The following LRRK2 variants were observed in gnomAD, a reference collection of about 807,000 sequenced individuals.
LRRK2 encodes the protein leucine rich repeat kinase 2.
In LRRK2, 203 loss-of-function variants were observed where a neutral mutation model predicts 302.6. The ratio of observed to expected loss-of-function variants is 0.67; its 90% CI spans 0.60 to 0.75. The LOEUF (loss-of-function observed/expected upper bound fraction) is 0.75, where lower values mean the gene tolerates loss of function less well. LRRK2 is among the 30% of genes least tolerant of loss of function. The pLI, the probability that LRRK2 is intolerant of heterozygous loss-of-function variation, is 0.00. For synonymous variants in LRRK2, 1,066 were observed against 1,031.9 expected, an observed-to-expected ratio of 1.03 and a Z score of -0.63; for missense variants, 2,830 against 2,951.0, an observed-to-expected ratio of 0.96 and a Z score of 0.95.
rs281865054 is a variant in LRRK2 at position 40,323,270 on chromosome 12, G to A, written c.5620G>A (p.Glu1874Lys). The A allele has an allele frequency of 6.2e-7, 1 of 1,612,910 alleles. No individual in the cohort carries two copies. Among genetic ancestry groups the A allele is most frequent in the South Asian group, 1.1e-5 (1 of 90,886 alleles). ...TAGAAATATTATGTTGAATAATGAT[G>A]AGTTGGAATTTGAACAAGCTCCAGA... The part of the protein sequence containing the change: ...LPRNIMLNND[E>K]LEFEQAPEFL... Residue 1874 changes from glutamate to lysine, a missense_variant, in exon 38 of 51, where the codon GAG becomes AAG. Glu to Lys is a moderately conservative substitution (Grantham distance 56). Transcript: ENST00000298910.
At position 40,249,917 on chromosome 12, in the gene LRRK2, C is replaced by T. The variant is rs1274907921; in HGVS notation, c.930C>T (p.Ile310=). Residue 310 remains isoleucine, a synonymous_variant, in exon 8 of 51, where the codon ATC becomes ATT. Coordinates refer to ENST00000298910, the MANE Select transcript of LRRK2 (RefSeq NM_198578.4). The stretch of plus-strand genomic sequence containing the variant: ...ACCCAGAGAATGCAGCATTGCAGAT[C>T]TCAGCGCTCAGCTGTTTGGCCCTCC... The part of the protein sequence containing the change: ...QQYPENAALQ[I]SALSCLALLT... 1 of 1,613,816 alleles carries T rather than the reference C, an allele frequency of 6.2e-7. No individual in the cohort carries two copies. Among genetic ancestry groups the T allele is most frequent in the Admixed American group, 1.7e-5 (1 of 60,010 alleles).
intron 41 of LRRK2, among the ~76,000 whole-genome samples, chr12:40,344,767 G>A (rs764260000): frequency 7.2e-5 from 11 of 151,982 alleles, no homozygotes; most frequent in Non-Finnish European, 1.5e-4. Context: ...GGTTATATAG[G>A]AAAATGCCCT....
chr12:40,253,208 C>A (rs1942356681), intron 11 of LRRK2, among the ~76,000 whole-genome samples, 192 bp downstream of exon 11: 1 of 151,970 alleles, frequency 6.6e-6, no homozygotes, highest in South Asian at 2.1e-4. Context: ...ATAAAATAAA[C>A]ATTTGTTGTA....
intron 46 of LRRK2, among the ~76,000 whole-genome samples, chr12:40,357,986 T>C (rs1946593372): frequency 6.6e-6 from 1 of 152,158 alleles, no homozygotes; most frequent in Admixed American, 6.5e-5. Context: ...CAGACTGATC[T>C]CAAACTCCTG....
At position 40,348,393 on chromosome 12, in the gene LRRK2, T is replaced by C. The variant is rs761975756; in HGVS notation, c.6281-16T>C. On this transcript the variant is annotated splice_polypyrimidine_tract_variant and intron_variant, in intron 42 of 50. Coordinates refer to ENST00000298910, the MANE Select transcript of LRRK2 (RefSeq NM_198578.4). Reference sequence around the variant, plus strand: ...ACTTATTTAGTATGCTAGCATGATGTTTTTTAATGTTTTAGATCCAGTTAA... The same window carrying C: ...ACTTATTTAGTATGCTAGCATGATGCTTTTTAATGTTTTAGATCCAGTTAA... 4 of 1,541,212 alleles carry C rather than the reference T, an allele frequency of 2.6e-6. No individual in the cohort carries two copies. The highest frequency in any genetic ancestry group is 2.2e-5 in the South Asian group (2 of 89,258).
At chr12:40,350,689 C>T (rs7314863) in intron 43 of LRRK2, among the ~76,000 whole-genome samples, 116,725 of 151,942 alleles carry the variant, frequency 0.77, 45,690 homozygotes, top group Non-Finnish European at 0.86. Flanking sequence ...CATAATTTTT[C>T]TTCTACTTGG....
chr12:40,278,218 C>G lies in LRRK2; in HGVS notation c.2198C>G (p.Ala733Gly), dbSNP rs1412344397. The change falls in exon 18 of 51, where the codon GCA becomes GGA. Residue 733 changes from alanine (A) to glycine (G), a missense_variant. Transcript: ENST00000298910. ...IMVECLLLLG[A>G]DANQAKEGSS... ...GTTGAATGCTTGCTTCTATTGGGAG[C>G]AGATGCCAATCAAGCAAAGGAGGGA... is the stretch of plus-strand genomic sequence containing the variant. The G allele has an allele frequency of 4.3e-6, 7 of 1,614,130 alleles. No individual in the cohort carries two copies. Among genetic ancestry groups the G allele is most frequent in the Non-Finnish European group, 5.1e-6 (6 of 1,179,990 alleles).
At chr12:40,239,951 C>T (rs1388223981) in intron 5 of LRRK2, among the ~76,000 whole-genome samples, 3 of 152,132 alleles carry the variant, frequency 2.0e-5, no homozygotes, top group Non-Finnish European at 4.4e-5. Flanking sequence ...GATCAAATGA[C>T]TTTAATTGTG....
At chr12:40,322,233 C>CG in intron 36 of LRRK2, 52 bp downstream of exon 36, 1 of 1,552,954 alleles carries the variant, frequency 6.4e-7, no homozygotes, top group Non-Finnish European at 8.8e-7. Context: ...GAAATTTAAA[C>CG]TTAAAAAAAA....
In LRRK2 at chr12:40,330,566, G is replaced by A. The variant is rs546038712; in HGVS notation, c.5757+2106G>A. ...TATTTTGTGAAAAATTGTCTTCTGT[G>A]TATTCTCTTCTATTATTTATTATTT... On this transcript the variant is annotated intron_variant, in intron 39 of 50. Coordinates refer to ENST00000298910, the MANE Select transcript of LRRK2 (RefSeq NM_198578.4). Among the ~76,000 whole-genome samples, 8 of 152,022 alleles carry A rather than the reference G, an allele frequency of 5.3e-5. No individual in the cohort carries two copies. The East Asian group carries it at 1.5e-3, about 29-fold the overall frequency.
At chr12:40,285,809 G>A (rs2136666857) in intron 19 of LRRK2, among the ~76,000 whole-genome samples, 1 of 151,884 alleles carries the variant, frequency 6.6e-6, no homozygotes, top group East Asian at 1.9e-4. Context: ...TTACTCCGTG[G>A]CAAAAAAAAG....
At position 40,314,025 on chromosome 12, in the gene LRRK2, TG is replaced by T. The variant is rs1945122680; in HGVS notation, c.4591del (p.Glu1531LysfsTer17). The T allele has an allele frequency of 6.2e-7, 1 of 1,612,424 alleles. No individual in the cohort carries two copies. Among genetic ancestry groups the T allele is most frequent in the Non-Finnish European group, 8.5e-7 (1 of 1,178,918 alleles). ...TGATTCCAGACTGCTATGTAGAACT[TG>T]AAAAAATCATTTTATCGGAGCGTAA... ...QLIPDCYVEL[E>X]KIILSERKNV... On this transcript the variant is annotated frameshift_variant, in exon 32 of 51. Transcript: ENST00000298910. LOFTEE classifies it high-confidence loss of function.
chr12:40,228,579 T>C (rs1294196217), intron 2 of LRRK2, among the ~76,000 whole-genome samples: 1 of 152,062 alleles, frequency 6.6e-6, no homozygotes, highest in Non-Finnish European at 1.5e-5. Context: ...ATTTTCTTTG[T>C]TGTGCAGAAG....
At chr12:40,316,760 T>C (rs1945236173) in intron 33 of LRRK2, among the ~76,000 whole-genome samples, 1 of 152,046 alleles carries the variant, frequency 6.6e-6, no homozygotes. Context: ...TATAAAGAGG[T>C]ACTTACGTAG....
At chr12:40,343,461 G>A (rs1946108468) in intron 41 of LRRK2, among the ~76,000 whole-genome samples, 2 of 152,142 alleles carry the variant, frequency 1.3e-5, no homozygotes, top group African/African-American at 4.8e-5. Context: ...ATGAATATCT[G>A]ATGGAGATTA....
chr12:40,259,963 A>C (rs1565688410), intron 13 of LRRK2, among the ~76,000 whole-genome samples: 1 of 152,042 alleles, frequency 6.6e-6, no homozygotes, highest in Non-Finnish European at 1.5e-5. Flanking sequence ...GCTAATTTTC[A>C]TACCTGTTCT....
In LRRK2 at chr12:40,354,474, A is replaced by C. The variant is rs200419481; in HGVS notation, c.6752A>C (p.Asn2251Thr). Residue 2251 changes from asparagine to threonine, a missense_variant, in exon 45 of 51, where the codon AAT (asparagine) becomes ACT (threonine). Transcript: ENST00000298910. ...GATTCTGTCACTTGTTTGTATTGCA[A>C]TTCCTTTTCCAAGCAAAGGTATGGT... is the stretch of plus-strand genomic sequence containing the variant. Reference protein sequence around the residue: ...MTDSVTCLYCNSFSKQSKQKN... With the variant: ...MTDSVTCLYCTSFSKQSKQKN... 37 of 1,614,088 alleles carry C rather than the reference A, an allele frequency of 2.3e-5. No homozygotes were observed. The East Asian group carries it at 5.1e-4, about 22-fold the overall frequency.
rs1301751917 is a variant in LRRK2, at chr12:40,232,288, T to A, written c.252T>A (p.Leu84=). The A allele has an allele frequency of 6.2e-7, 1 of 1,614,000 alleles. No homozygotes were observed. The highest frequency in any genetic ancestry group is 1.1e-5 in the South Asian group (1 of 91,078). The change falls in exon 3 of 51, where the codon CTT becomes CTA. Residue 84 remains leucine (L), a synonymous_variant. Transcript: ENST00000298910. ...CTTGTTTTCAGGTGGGTTGGTCACT[T>A]CTGTGCAAATTAATAGAAGTCTGTC... ...VASVQQVGWS[L]LCKLIEVCPG...
intron 1 of LRRK2, 95 bp downstream of exon 1, chr12:40,225,377 C>G (rs1490055233): frequency 1.4e-6 from 2 of 1,459,020 alleles, no homozygotes; most frequent in Admixed American, 3.8e-5. Context: ...TGACCCTGCT[C>G]AAACCCGGAC....
Sources: gnomAD v4.1 joint callset for allele counts (sites outside exome capture counted in the v4.1 genomes callset) on GRCh38, gnomAD v4.1.1 for gene constraint, MANE v1.5 for transcripts, NCBI Gene and HGNC (gene_info 2026-07-23, HGNC 2026-07-21) for gene names.